RNASE4: variants seen among roughly 807,000 people sequenced by gnomAD.
The protein encoded by RNASE4 is ribonuclease 4.
For missense variants in RNASE4, 194 were observed against 192.8 expected (o/e 1.01, Z -0.04); for synonymous variants, 93 against 71.4 (o/e 1.30, Z -1.52).
intron 1 of RNASE4, among the ~76,000 whole-genome samples, chr14:20,698,210 G>A (rs1472002091): frequency 6.6e-6 from 1 of 151,556 alleles, no homozygotes; most frequent in Non-Finnish European, 1.5e-5. Flanking sequence ...TAAAATATAT[G>A]CCTATTTTTC....
At chr14:20,689,915 CAA>C (rs58958050) in intron 1 of RNASE4, among the ~76,000 whole-genome samples, 23 of 121,518 alleles carry the variant, frequency 1.9e-4, no homozygotes, top group South Asian at 5.2e-4. Context: ...GACTCTGTCT[CAA>C]AAAAAAAAAA....
At chr14:20,695,415 G>GATCCCAGTTT (rs955193297) in intron 1 of RNASE4, among the ~76,000 whole-genome samples, 2 of 141,394 alleles carry the variant, frequency 1.4e-5, no homozygotes, top group African/African-American at 5.2e-5. Context: ...AAAAAAGAAA[G>GATCCCAGTTT]ATCCCAGTTT....
Position 20,699,534 on chromosome 14 carries a change from TTGA to T in RNASE4, c.169_171del (p.Met57del), listed in dbSNP as rs770906300. The stretch of plus-strand genomic sequence containing the variant: ...AGGTGGCAGTGATCGCTACTGCAAC[TTGA>T]TGATGCAAAGACGGAAGATGACTTT... On this transcript the variant is annotated inframe_deletion, in exon 2 of 2. Coordinates refer to ENST00000555835, the MANE Select transcript of RNASE4 (RefSeq NM_002937.5). The T allele has an allele frequency of 4.3e-6, 7 of 1,614,074 alleles. No individual in the cohort carries two copies. The South Asian group carries it at 5.5e-5, about 13-fold the overall frequency.
intron 1 of RNASE4, among the ~76,000 whole-genome samples, chr14:20,695,499 C>G (rs370568027): frequency 2.6e-5 from 4 of 152,284 alleles, no homozygotes; most frequent in East Asian, 3.9e-4. Context: ...GGTTAACACA[C>G]TCTTTGTAAA....
At chr14:20,688,948 C>G (rs1190792314) in intron 1 of RNASE4, 1 of 761,488 alleles carries the variant, frequency 1.3e-6, no homozygotes, top group African/African-American at 1.9e-5. Context: ...ATTTTCCTCC[C>G]TTTAAAGCCT....
At chr14:20,686,585 G>C (rs1453643117) in intron 1 of RNASE4, among the ~76,000 whole-genome samples, 1 of 152,234 alleles carries the variant, frequency 6.6e-6, no homozygotes, top group Non-Finnish European at 1.5e-5. Flanking sequence ...GGAACAAAGA[G>C]TGAGTGGGCA....
intron 1 of RNASE4, among the ~76,000 whole-genome samples, chr14:20,685,950 G>C (rs1310267287): frequency 6.6e-6 from 1 of 151,772 alleles, no homozygotes; most frequent in African/African-American, 2.4e-5. Flanking sequence ...TGAGACAGGA[G>C]ACTCTCTTGA....
At chr14:20,694,672 G>A (rs1887017128) in intron 1 of RNASE4, among the ~76,000 whole-genome samples, 2 of 152,130 alleles carry the variant, frequency 1.3e-5, no homozygotes, top group African/African-American at 4.8e-5. Context: ...AGGAAAGTAT[G>A]GTATGTTGAT....
intron 1 of RNASE4, among the ~76,000 whole-genome samples, chr14:20,686,707 C>T (rs1441296736): frequency 2.6e-5 from 4 of 152,358 alleles, no homozygotes; most frequent in East Asian, 3.9e-4. Flanking sequence ...AGTGTTGCCT[C>T]TTCCTGGAGA....
rs1442791245 is a variant in RNASE4 at position 20,700,639 on chromosome 14, TA to T, written c.*827del. Reference sequence around the variant, plus strand: ...GGTATTATTTTTTTTCTCTGACTTTTAAATTCTTGTTTAGTTTATAAACATG... The same window carrying T: ...GGTATTATTTTTTTTCTCTGACTTTTAATTCTTGTTTAGTTTATAAACATG... On this transcript the variant is annotated 3_prime_UTR_variant, in exon 2 of 2. Coordinates refer to ENST00000555835, the MANE Select transcript of RNASE4 (RefSeq NM_002937.5). The T allele has an allele frequency of 6.0e-6, 1 of 167,056 alleles. No individual in the cohort carries two copies. The highest frequency in any genetic ancestry group is 2.4e-5 in the African/African-American group (1 of 41,466). The allele number at this position is 167,056 out of a possible 1,614,324, so 10.3% of individuals were successfully genotyped here. A position where few individuals can be genotyped will look rare whatever the true frequency, so the allele number is the denominator to read the frequency against.
Position 20,699,383 on chromosome 14 carries a change from G to A in RNASE4, c.12G>A (p.Gln4=). Residue 4 remains glutamine (Q), a synonymous_variant, in exon 2 of 2, where the codon CAG becomes CAA. Transcript: ENST00000555835. ...CCTCTAAGATACTGATGGCTCTGCA[G>A]AGGACCCATTCATTGCTTCTGCTTT... MAL[Q]RTHSLLLLLL... 2.5e-6 allele frequency: 4 copies of A among 1,600,676 alleles called. No individual in the cohort carries two copies. Among genetic ancestry groups the A allele is most frequent in the South Asian group, 1.1e-5 (1 of 90,036 alleles).
At chr14:20,695,351 C>A in intron 1 of RNASE4, among the ~76,000 whole-genome samples, 1 of 150,954 alleles carries the variant, frequency 6.6e-6, no homozygotes, top group Middle Eastern at 3.4e-3. Context: ...GCCGAGATCA[C>A]GCCACTGCAC....
At chr14:20,694,044 C>T in intron 1 of RNASE4, 1 of 1,611,144 alleles carries the variant, frequency 6.2e-7, no homozygotes, top group South Asian at 1.1e-5. Context: ...GCTCTGCTGT[C>T]CTTGCCTTCC....
rs772655748 is a variant in RNASE4 at position 20,699,503 on chromosome 14, G to A, written c.132G>A (p.Glu44=). ...QRFLRQHVHP[E]ETGGSDRYCN... is the part of the protein sequence containing the mutation. ...TCCTGCGGCAACACGTGCACCCTGA[G>A]GAGACAGGTGGCAGTGATCGCTACT... The change falls in exon 2 of 2, where the codon GAG becomes GAA. Residue 44 remains glutamate (E), a synonymous_variant. Transcript: ENST00000555835. The A allele has an allele frequency of 6.8e-6, 11 of 1,614,048 alleles. No individual in the cohort carries two copies. The South Asian group carries it at 9.9e-5, about 14-fold the overall frequency.
At chr14:20,692,068 T>C (rs1440037647) in intron 1 of RNASE4, among the ~76,000 whole-genome samples, 1 of 152,222 alleles carries the variant, frequency 6.6e-6, no homozygotes, top group Non-Finnish European at 1.5e-5. Context: ...TTCATTGACT[T>C]ACACACAAGA....
chr14:20,690,518 G>A (rs1886691846), intron 1 of RNASE4, among the ~76,000 whole-genome samples: 1 of 152,170 alleles, frequency 6.6e-6, no homozygotes, highest in Admixed American at 6.5e-5. Context: ...GGGAGCAGAT[G>A]TTAGATATTG....
chr14:20,685,997 G>A (rs1041855642), intron 1 of RNASE4, among the ~76,000 whole-genome samples: 10 of 149,716 alleles, frequency 6.7e-5, no homozygotes, highest in Admixed American at 2.7e-4. Flanking sequence ...CAGAGATTGC[G>A]TCACTGCACT....
rs143629764 is a variant in RNASE4, at chr14:20,699,748, C to G, written c.377C>G (p.Ala126Gly). The change falls in exon 2 of 2, where the codon GCG becomes GGG. Residue 126 changes from alanine to glycine, a missense_variant. Coordinates refer to ENST00000555835, the MANE Select transcript of RNASE4 (RefSeq NM_002937.5). ...CCCAACTGCAGATATCGGGCCATAG[C>G]GAGCACTAGACGTGTTGTCATTGCC... ...RAPNCRYRAI[A>G]STRRVVIACE... The G allele has an allele frequency of 1.2e-6, 2 of 1,611,520 alleles. No homozygotes were observed. The highest frequency in any genetic ancestry group is 1.7e-5 in the Admixed American group (1 of 60,012).
In RNASE4 at chr14:20,699,556, T is replaced by A. The variant is rs752628625; in HGVS notation, c.185T>A (p.Met62Lys). 1 of 1,614,206 alleles carries A rather than the reference T, an allele frequency of 6.2e-7. No individual in the cohort carries two copies. Among genetic ancestry groups the A allele is most frequent in the South Asian group, 1.1e-5 (1 of 91,082 alleles). Residue 62 changes from methionine (M) to lysine (K), a missense_variant, in exon 2 of 2, where the codon ATG becomes AAG. Transcript: ENST00000555835. The stretch of plus-strand genomic sequence containing the variant: ...AACTTGATGATGCAAAGACGGAAGA[T>A]GACTTTGTATCACTGCAAGCGCTTC... ...YCNLMMQRRK[M>K]TLYHCKRFNT... is the part of the protein sequence containing the mutation.
Sources: gnomAD v4.1 joint callset for allele counts (sites outside exome capture counted in the v4.1 genomes callset) on GRCh38, gnomAD v4.1.1 for gene constraint, MANE v1.5 for transcripts, NCBI Gene and HGNC (gene_info 2026-07-23, HGNC 2026-07-21) for gene names.